Variants in CD36 observed in about 807,000 individuals in gnomAD.
The protein encoded by CD36 is CD36 molecule (CD36 blood group), also known as platelet glycoprotein 4.
A neutral mutation model predicts 55.2 loss-of-function variants in CD36; 119 were observed. The ratio of observed to expected loss-of-function variants is 2.15; its 90% CI spans 1.86 to 2.51. The LOEUF (loss-of-function observed/expected upper bound fraction) is 2.51, where lower values mean the gene tolerates loss of function less well. Ranked by LOEUF, CD36 falls within the 30% of genes most tolerant of loss-of-function variation. CD36 has a pLI of 0.00. For missense variants in CD36, 819 were observed against 555.5 expected (o/e 1.47, Z -4.77); for synonymous variants, 186 against 193.6 (o/e 0.96, Z 0.33).
intron 1 of CD36, among the ~76,000 whole-genome samples, chr7:80,629,929 T>G (rs1298309450): frequency 6.6e-6 from 1 of 151,392 alleles, no homozygotes; most frequent in African/African-American, 2.4e-5. Flanking sequence ...TGAAAAAAAG[T>G]ATTCTAGGTA....
At chr7:80,640,752 TA>T (rs1329379948) in intron 1 of CD36, among the ~76,000 whole-genome samples, 2 of 152,066 alleles carry the variant, frequency 1.3e-5, no homozygotes, top group Non-Finnish European at 2.9e-5. Flanking sequence ...CATAAGTCTT[TA>T]AAAGACGGGA....
chr7:80,608,012 CG>C (rs1792664079), intron 1 of CD36, among the ~76,000 whole-genome samples: 1 of 152,108 alleles, frequency 6.6e-6, no homozygotes, highest in African/African-American at 2.4e-5. Context: ...CCTCGTGATC[CG>C]CCCGCCTCGG....
At chr7:80,646,450 CATT>C (rs1295154708) in intron 2 of CD36, 199 bp from the exon 3 acceptor site, 22 of 402,784 alleles carry the variant, frequency 5.5e-5, no homozygotes, top group Non-Finnish European at 9.3e-6. Flanking sequence ...TCAGATATGA[CATT>C]ATTAGTTCTG....
chr7:80,623,211 T>C (rs745577177), intron 1 of CD36, among the ~76,000 whole-genome samples: 19 of 152,152 alleles, frequency 1.2e-4, no homozygotes, highest in African/African-American at 4.6e-4. Context: ...CTAGAATGAA[T>C]GTTCTCGACC....
Position 80,671,945 on chromosome 7 carries a change from C to A in CD36, c.1030C>A (p.Pro344Thr), listed in dbSNP as rs879729491. 1.2e-6 allele frequency: 2 copies of A among 1,611,380 alleles called. No homozygotes were observed. The highest frequency in any genetic ancestry group is 1.7e-5 in the Admixed American group (1 of 59,932). The change falls in exon 11 of 15, where the codon CCT becomes ACT. Residue 344 changes from proline to threonine, a missense_variant. Coordinates refer to ENST00000447544, the MANE Select transcript of CD36 (RefSeq NM_001001548.3). ...KEGRPVYISL[P>T]HFLYASPDVS... Reference sequence around the variant, plus strand: ...AGGGAGACCTGTGTACATTTCACTTCCTCATTTTCTGTATGCAAGTCCTGA... The same window carrying A: ...AGGGAGACCTGTGTACATTTCACTTACTCATTTTCTGTATGCAAGTCCTGA...
chr7:80,673,566 A>ATTGAACAAAAACAT (rs1554347142), intron 13 of CD36, 157 bp downstream of exon 13: 1 of 611,436 alleles, frequency 1.6e-6, no homozygotes, highest in Non-Finnish European at 3.0e-6. Context: ...AGATGATCCA[A>ATTGAACAAAAACAT]TTGAACAAAA....
At chr7:80,624,581 G>A (rs1793644064) in intron 1 of CD36, among the ~76,000 whole-genome samples, 1 of 151,926 alleles carries the variant, frequency 6.6e-6, no homozygotes, top group Non-Finnish European at 1.5e-5. Flanking sequence ...ATCTTAATAG[G>A]GCAAATTCGT....
At position 80,676,636 on chromosome 7, in the gene CD36, CAT is replaced by C. The variant is rs1798174655; in HGVS notation, c.*256_*257del. On this transcript the variant is annotated 3_prime_UTR_variant, in exon 15 of 15. Coordinates refer to ENST00000447544, the MANE Select transcript of CD36 (RefSeq NM_001001548.3). The stretch of plus-strand genomic sequence containing the variant: ...ATTTATAAATAATTGGCTTATGACT[CAT>C]ATTTCTCTATGAATACCTTCATACA... 1 of 152,158 alleles carries C rather than the reference CAT, an allele frequency of 6.6e-6. No individual in the cohort carries two copies. Among genetic ancestry groups the C allele is most frequent in the African/African-American group, 2.4e-5 (1 of 41,442 alleles). 9.4% of individuals were successfully genotyped at this position (152,158 alleles called of 1,614,324 possible). A position where few individuals can be genotyped will look rare whatever the true frequency, so the allele number is the denominator to read the frequency against.
chr7:80,636,398 A>T (rs1202261363), upstream of CD36, among the ~76,000 whole-genome samples: 3 of 152,084 alleles, frequency 2.0e-5, no homozygotes, highest in Non-Finnish European at 4.4e-5. Flanking sequence ...TGTCAAAATG[A>T]TTCATACCTT....
chr7:80,646,268 G>A (rs575034427), intron 2 of CD36, 87 bp downstream of exon 2: 1 of 189,170 alleles, frequency 5.3e-6, no homozygotes, highest in East Asian at 1.2e-4. Context: ...TCGCAGGAGA[G>A]CTCCAGAAGG....
chr7:80,672,143 T>C, intron 11 of CD36, 103 bp downstream of exon 11: 1 of 968,512 alleles, frequency 1.0e-6, no homozygotes, highest in Non-Finnish European at 1.6e-6. Flanking sequence ...AATAATCATA[T>C]TTATTGAATC....
intron 6 of CD36, 24 bp from the exon 7 acceptor site, chr7:80,664,382 C>G (rs1299392568): frequency 8.0e-7 from 1 of 1,245,588 alleles, no homozygotes; most frequent in South Asian, 1.2e-5. Flanking sequence ...GTAGAAGTAA[C>G]ATTTTCCCAT....
intron 4 of CD36, among the ~76,000 whole-genome samples, 171 bp from the exon 5 acceptor site, chr7:80,660,892 G>A (rs866724395): frequency 1.3e-5 from 2 of 151,904 alleles, no homozygotes; most frequent in Admixed American, 1.3e-4. Flanking sequence ...ACCCCTTCTC[G>A]TTAGTTTGCT....
intron 3 of CD36, among the ~76,000 whole-genome samples, chr7:80,649,385 A>G (rs1449715942): frequency 6.6e-6 from 1 of 152,116 alleles, no homozygotes; most frequent in Non-Finnish European, 1.5e-5. Flanking sequence ...AAACTGTAGG[A>G]TATGACCACT....
At position 80,663,062 on chromosome 7, in the gene CD36, TC is replaced by T. The variant is rs1421670327; in HGVS notation, c.503del (p.Ser168LeufsTer8). The T allele has an allele frequency of 1.2e-6, 2 of 1,613,558 alleles. No individual in the cohort carries two copies. Among genetic ancestry groups the T allele is most frequent in the South Asian group, 2.2e-5 (2 of 91,082 alleles). On this transcript the variant is annotated frameshift_variant, in exon 6 of 15. Coordinates refer to ENST00000447544, the MANE Select transcript of CD36 (RefSeq NM_001001548.3). LOFTEE classifies it high-confidence loss of function. ...LNSLINKSKS[S>X]MFQVRTLREL... ...TTCACTTATTAACAAGTCAAAATCTTCTATGTTCCAAGTCAGAACTTTGAGA... is the reference window on the plus strand; with the variant it reads ...TTCACTTATTAACAAGTCAAAATCTTTATGTTCCAAGTCAGAACTTTGAGA...
At chr7:80,675,823 GT>G (rs2116937785) in intron 14 of CD36, among the ~76,000 whole-genome samples, 1 of 152,186 alleles carries the variant, frequency 6.6e-6, no homozygotes, top group Non-Finnish European at 1.5e-5. Context: ...TACTCAGGGG[GT>G]CACAAGAAAA....
At chr7:80,649,609 A>G (rs1795445898) in intron 3 of CD36, among the ~76,000 whole-genome samples, 1 of 152,064 alleles carries the variant, frequency 6.6e-6, no homozygotes, top group African/African-American at 2.4e-5. Context: ...GAAGGTATGT[A>G]TATACCTTAC....
chr7:80,605,806 C>T (rs746675704), intron 1 of CD36, among the ~76,000 whole-genome samples: 4 of 152,132 alleles, frequency 2.6e-5, no homozygotes, highest in East Asian at 1.9e-4. Context: ...TTAGCCCCAT[C>T]CTTTTAAGAG....
At chr7:80,604,447 G>A (rs1430089489) in intron 1 of CD36, among the ~76,000 whole-genome samples, 1 of 135,322 alleles carries the variant, frequency 7.4e-6, no homozygotes, top group East Asian at 2.3e-4. Context: ...TTATGGAAAA[G>A]GGTAAAGTGA....
Sources: allele counts gnomAD v4.1 joint callset (sites outside exome capture counted in the v4.1 genomes callset), GRCh38; gene constraint gnomAD v4.1.1; transcripts MANE v1.5; gene names NCBI Gene and HGNC (gene_info 2026-07-23, HGNC 2026-07-21).